Variants in NCAM2 observed in about 807,000 individuals in gnomAD.
NCAM2 encodes N-CAM-2.
In NCAM2, 30 loss-of-function variants were observed where a neutral mutation model predicts 98.1. The ratio of observed to expected loss-of-function variants is 0.31; its 90% CI spans 0.23 to 0.41. The LOEUF is 0.41. Ranked by LOEUF, NCAM2 falls within the 10% of genes least tolerant of loss-of-function variation. The pLI is 1.00. For missense variants in NCAM2, 867 were observed against 1,005.8 expected (o/e 0.86, Z 1.87); for synonymous variants, 368 against 342.4 (o/e 1.07, Z -0.83).
At chr21:21,274,165 GAA>G (rs199954458) in intron 1 of NCAM2, among the ~76,000 whole-genome samples, 15 of 136,220 alleles carry the variant, frequency 1.1e-4, no homozygotes, top group East Asian at 1.0e-3. Context: ...AACTCTGTCT[GAA>G]AAAAAAAAAA....
chr21:21,035,625 GT>G (rs901594513), intron 1 of NCAM2, among the ~76,000 whole-genome samples: 20 of 152,006 alleles, frequency 1.3e-4, no homozygotes, highest in African/African-American at 2.4e-4. Context: ...TATGTGTCCA[GT>G]TTTTTTTCCA....
chr21:21,442,096 A>G (rs1259188330), intron 12 of NCAM2, among the ~76,000 whole-genome samples: 1 of 152,186 alleles, frequency 6.6e-6, no homozygotes, highest in African/African-American at 2.4e-5. Flanking sequence ...CAGGACTTCA[A>G]TTCTTTTTCT....
chr21:21,298,573 GA>G (rs1260818035), intron 5 of NCAM2, among the ~76,000 whole-genome samples: 3 of 147,316 alleles, frequency 2.0e-5, no homozygotes, highest in Admixed American at 6.9e-5. Flanking sequence ...ATATAAACTA[GA>G]GAAATGATAG....
At chr21:21,518,913 TGTTAA>T (rs1406006523) in intron 16 of NCAM2, among the ~76,000 whole-genome samples, 1 of 152,142 alleles carries the variant, frequency 6.6e-6, no homozygotes, top group Non-Finnish European at 1.5e-5. Flanking sequence ...AAAGGCAGGA[TGTTAA>T]GTTGTTATTT....
At chr21:21,170,833 G>C (rs2068098204) in intron 1 of NCAM2, among the ~76,000 whole-genome samples, 1 of 128,872 alleles carries the variant, frequency 7.8e-6, no homozygotes, top group Non-Finnish European at 1.8e-5. Flanking sequence ...GGTGTTCCTA[G>C]AGGGGGGAAG....
At chr21:21,190,569 G>A (rs904880313) in intron 1 of NCAM2, among the ~76,000 whole-genome samples, 1 of 152,186 alleles carries the variant, frequency 6.6e-6, no homozygotes, top group African/African-American at 2.4e-5. Context: ...CTTGGAAGGA[G>A]ATTAAGTATG....
chr21:21,452,531 A>G (rs1007840601), intron 12 of NCAM2, among the ~76,000 whole-genome samples: 1 of 129,074 alleles, frequency 7.7e-6, no homozygotes. Flanking sequence ...TATATTATAT[A>G]TTATAAATAA....
In NCAM2 at chr21:21,264,851, C is replaced by T. The variant is rs144523105; in HGVS notation, c.56-15727C>T. On this transcript the variant is annotated intron_variant, in intron 1 of 17. Coordinates refer to ENST00000400546, the MANE Select transcript of NCAM2 (RefSeq NM_004540.5). ...TCCACTTTATATACACACATGCACA[C>T]GCACACACGTGTGTGTGTGTTCATA... Among the ~76,000 whole-genome samples the T allele has an allele frequency of 1.3e-4, 18 of 139,972 alleles. No homozygotes were observed. The East Asian group carries it at 2.9e-3, about 23-fold the overall frequency. 91.8% of individuals were successfully genotyped at this position (139,972 alleles called of 152,430 possible). A position where few individuals can be genotyped will look rare whatever the true frequency, so the allele number is the denominator to read the frequency against.
intron 8 of NCAM2, among the ~76,000 whole-genome samples, chr21:21,344,167 G>A (rs552654746): frequency 7.6e-4 from 116 of 152,266 alleles, no homozygotes; most frequent in South Asian, 5.2e-3. Flanking sequence ...TGGCTTTCAT[G>A]AAAGGACCCA....
intron 1 of NCAM2, among the ~76,000 whole-genome samples, chr21:21,264,847 C>A (rs2072077688): frequency 7.1e-6 from 1 of 140,444 alleles, no homozygotes; most frequent in South Asian, 2.2e-4. Context: ...TACACACATG[C>A]ACACGCACAC....
chr21:21,003,693 C>T (rs1342440052), intron 1 of NCAM2, among the ~76,000 whole-genome samples: 1 of 152,002 alleles, frequency 6.6e-6, no homozygotes, highest in Non-Finnish European at 1.5e-5. Flanking sequence ...TCATAAGCTG[C>T]TCTGTGATTA....
At chr21:21,168,068 C>T (rs896956775) in intron 1 of NCAM2, among the ~76,000 whole-genome samples, 1 of 151,982 alleles carries the variant, frequency 6.6e-6, no homozygotes, top group Non-Finnish European at 1.5e-5. Context: ...AAAATATTAG[C>T]AAATAGCATC....
intron 1 of NCAM2, among the ~76,000 whole-genome samples, chr21:21,054,051 A>G (rs1005664020): frequency 6.6e-6 from 1 of 151,884 alleles, no homozygotes; most frequent in Non-Finnish European, 1.5e-5. Flanking sequence ...CTCCATACCA[A>G]CATCCAAAAG....
intron 11 of NCAM2, among the ~76,000 whole-genome samples, chr21:21,423,664 A>G (rs976704464): frequency 1.3e-5 from 2 of 152,064 alleles, no homozygotes; most frequent in African/African-American, 2.4e-5. Context: ...ACTGTGCTTC[A>G]CAATTGATTT....
At position 21,161,379 on chromosome 21, in the gene NCAM2, C is replaced by T. The variant is rs144105560; in HGVS notation, c.56-119199C>T. On this transcript the variant is annotated intron_variant, in intron 1 of 17. Coordinates refer to ENST00000400546, the MANE Select transcript of NCAM2 (RefSeq NM_004540.5). ...ATTTCATGTATTTGTTCAATAAACA[C>T]GAACTGTTTACTATATGCCAGATTT... 2.8e-4 allele frequency among the ~76,000 whole-genome samples: 42 copies of T among 151,850 alleles called. No individual in the cohort carries two copies. In the East Asian group the frequency reaches 4.1e-3, roughly 15 times the overall value.
intron 2 of NCAM2, among the ~76,000 whole-genome samples, chr21:21,281,868 G>C (rs1351076425): frequency 6.6e-6 from 1 of 151,382 alleles, no homozygotes; most frequent in Admixed American, 6.6e-5. Flanking sequence ...TATAAATATA[G>C]AGATATAATA....
chr21:21,319,279 T>A (rs908632824), intron 5 of NCAM2, among the ~76,000 whole-genome samples: 5 of 152,326 alleles, frequency 3.3e-5, no homozygotes, highest in Middle Eastern at 3.4e-3. Context: ...CAATATAGTA[T>A]AACAACTATC....
rs75747819 is a variant in NCAM2, at chr21:21,100,072, A to G, written c.55+101454A>G. Among the ~76,000 whole-genome samples, 1,244 of 152,098 alleles carry G rather than the reference A, an allele frequency of 8.2e-3. 16 individuals carry two copies. Among genetic ancestry groups the G allele is most frequent in the East Asian group, 0.033 (169 of 5,172 alleles). On this transcript the variant is annotated intron_variant, in intron 1 of 17. Coordinates refer to ENST00000400546, the MANE Select transcript of NCAM2 (RefSeq NM_004540.5). The stretch of plus-strand genomic sequence containing the variant: ...TTTTGCTTCAGGAAAAGGCCTACAT[A>G]GCCAAAAACAGCAAAGAAAATGTCA...
chr21:21,511,361 C>T (rs755232440), intron 16 of NCAM2, among the ~76,000 whole-genome samples: 1 of 151,908 alleles, frequency 6.6e-6, no homozygotes, highest in Non-Finnish European at 1.5e-5. Flanking sequence ...TTGCAGCTCC[C>T]ACATATGAAT....
Sources: allele counts gnomAD v4.1 joint callset (sites outside exome capture counted in the v4.1 genomes callset), GRCh38; gene constraint gnomAD v4.1.1; transcripts MANE v1.5; gene names NCBI Gene and HGNC (gene_info 2026-07-23, HGNC 2026-07-21).